The following GMDS variants were observed in gnomAD, a reference collection of about 807,000 sequenced individuals.
The protein encoded by GMDS is GDP-mannose 4,6 dehydratase.
GMDS carries 20 observed loss-of-function variants against 49.9 expected under a neutral mutation model. The observed-to-expected ratio is 0.40, with a 90% CI of 0.28 to 0.58. The LOEUF (loss-of-function observed/expected upper bound fraction) is 0.58. Ranked by LOEUF, GMDS falls within the 20% of genes least tolerant of loss-of-function variation. The probability of loss-of-function intolerance (pLI) is 0.42; values close to 1 mark genes in which losing one functional copy is unlikely to be tolerated. For synonymous variants in GMDS, 177 were observed against 178.6 expected, an observed-to-expected ratio of 0.99 and a Z score of 0.07; for missense variants, 362 against 481.4, an observed-to-expected ratio of 0.75 and a Z score of 2.32.
intron 9 of GMDS, among the ~76,000 whole-genome samples, chr6:1,724,685 T>A (rs1766508295): frequency 6.6e-6 from 1 of 152,230 alleles, no homozygotes; most frequent in South Asian, 2.1e-4. Flanking sequence ...AATTGACATC[T>A]CTGTCGCACC....
At chr6:1,897,085 G>C (rs1760239051) in intron 7 of GMDS, among the ~76,000 whole-genome samples, 1 of 152,188 alleles carries the variant, frequency 6.6e-6, no homozygotes, top group Admixed American at 6.5e-5. Context: ...GGAGGCGAAG[G>C]CTGCTTAGCT....
At chr6:1,893,599 G>T (rs1760000999) in intron 7 of GMDS, among the ~76,000 whole-genome samples, 1 of 152,196 alleles carries the variant, frequency 6.6e-6, no homozygotes, top group Admixed American at 6.5e-5. Context: ...AAATTGGCCA[G>T]TGAAACGTTT....
chr6:2,141,687 C>T (rs1461006921), intron 1 of GMDS, among the ~76,000 whole-genome samples: 1 of 152,204 alleles, frequency 6.6e-6, no homozygotes, highest in Non-Finnish European at 1.5e-5. Flanking sequence ...TGGGAAGCCA[C>T]AGGATGTCAA....
At chr6:2,233,257 G>T (rs1212669530) in intron 1 of GMDS, among the ~76,000 whole-genome samples, 1 of 152,070 alleles carries the variant, frequency 6.6e-6, no homozygotes, top group African/African-American at 2.4e-5. Flanking sequence ...AGCCTGAAAT[G>T]CAAACATTTT....
chr6:1,911,972 T>C (rs1463121638), intron 7 of GMDS, among the ~76,000 whole-genome samples: 1 of 152,156 alleles, frequency 6.6e-6, no homozygotes, highest in African/African-American at 2.4e-5. Context: ...TAAAAAATAA[T>C]AGGTCTGAGG....
Position 2,029,923 on chromosome 6 carries a change from G to A in GMDS, c.346-68957C>T, listed in dbSNP as rs148201169. 2.2e-4 allele frequency among the ~76,000 whole-genome samples: 33 copies of A among 152,246 alleles called. No individual in the cohort carries two copies. The East Asian group carries it at 5.8e-3, about 27-fold the overall frequency. On this transcript the variant is annotated intron_variant, in intron 4 of 10. Transcript: ENST00000380815. ...GGAGCAGCATGTAATACTATCTTCT[G>A]TGCTGGGGGCCTCCTAAGGATTTTA...
chr6:1,840,458 A>C (rs960178427), intron 7 of GMDS, among the ~76,000 whole-genome samples: 5 of 152,222 alleles, frequency 3.3e-5, no homozygotes, highest in African/African-American at 9.7e-5. Flanking sequence ...GGCTTGTGCA[A>C]GTAAAAAGAA....
chr6:1,858,338 T>C (rs748149363), intron 7 of GMDS, among the ~76,000 whole-genome samples: 29 of 152,220 alleles, frequency 1.9e-4, no homozygotes, highest in Non-Finnish European at 3.5e-4. Context: ...AGGGAAGTTA[T>C]AAACGCACCA....
In GMDS at chr6:1,672,264, G is replaced by A. The variant is rs111706055; in HGVS notation, c.988-47724C>T. On this transcript the variant is annotated intron_variant, in intron 9 of 10. Coordinates refer to ENST00000380815, the MANE Select transcript of GMDS (RefSeq NM_001500.4). ...TAAAGGCAGCACAAGTGTCCAAGCC[G>A]TGATGCGTGAATGAGAGTCAGGATA... is the stretch of plus-strand genomic sequence containing the variant. 2.0e-4 allele frequency among the ~76,000 whole-genome samples: 30 copies of A among 152,314 alleles called. 1 individual carries two copies. Among genetic ancestry groups the A allele is most frequent in the African/African-American group, 7.0e-4 (29 of 41,570 alleles).
intron 4 of GMDS, among the ~76,000 whole-genome samples, chr6:2,007,457 A>G (rs986738822): frequency 1.3e-5 from 2 of 152,312 alleles, no homozygotes; most frequent in East Asian, 3.9e-4. Context: ...CTAAGCGTCT[A>G]CACTTCCAGA....
rs116129379 is a variant in GMDS, at chr6:2,239,402, T to A, written c.102+5919A>T. On this transcript the variant is annotated intron_variant, in intron 1 of 10. Transcript: ENST00000380815. ...TTACTGCACTGCTTAAATATAAAGA[T>A]AATTGCATAATTTCTCTATTGTACA... is the stretch of plus-strand genomic sequence containing the variant. Among the ~76,000 whole-genome samples, 906 of 151,832 alleles carry A rather than the reference T, an allele frequency of 6.0e-3. 8 individuals are homozygous for A. Among genetic ancestry groups the A allele is most frequent in the African/African-American group, 0.021 (864 of 41,364 alleles).
chr6:1,964,020 A>G (rs139301204), intron 4 of GMDS, among the ~76,000 whole-genome samples: 99 of 152,342 alleles, frequency 6.5e-4, no homozygotes, highest in African/African-American at 2.3e-3. Context: ...CCACAAAAGC[A>G]GGATTCAGCC....
chr6:2,244,508 A>G (rs1781767804), intron 1 of GMDS, among the ~76,000 whole-genome samples: 1 of 152,080 alleles, frequency 6.6e-6, no homozygotes, highest in African/African-American at 2.4e-5. Flanking sequence ...TGAATCTAAA[A>G]CAGCACAGCT....
At chr6:2,055,149 T>C (rs1364446790) in intron 4 of GMDS, among the ~76,000 whole-genome samples, 1 of 151,832 alleles carries the variant, frequency 6.6e-6, no homozygotes, top group Non-Finnish European at 1.5e-5. Flanking sequence ...CGATAAAAAC[T>C]ACTGAATCTG....
rs532600997 is a variant in GMDS at position 2,050,216 on chromosome 6, A to C, written c.345+65555T>G. Among the ~76,000 whole-genome samples, 14 of 152,320 alleles carry C rather than the reference A, an allele frequency of 9.2e-5. No individual in the cohort carries two copies. The South Asian group carries it at 2.7e-3, about 29-fold the overall frequency. ...GGATATCACCACCGATCTCACAGAA[A>C]TACAAACTACCATCAGAGAATACTA... On this transcript the variant is annotated intron_variant, in intron 4 of 10. Coordinates refer to ENST00000380815, the MANE Select transcript of GMDS (RefSeq NM_001500.4).
chr6:1,703,963 A>T (rs1765629955), intron 9 of GMDS, among the ~76,000 whole-genome samples: 1 of 152,132 alleles, frequency 6.6e-6, no homozygotes, highest in Admixed American at 6.5e-5. Flanking sequence ...TGTCCTTGCA[A>T]ACCAGATTAT....
intron 1 of GMDS, among the ~76,000 whole-genome samples, chr6:2,216,282 T>C (rs1780329661): frequency 6.6e-6 from 1 of 152,236 alleles, no homozygotes; most frequent in African/African-American, 2.4e-5. Context: ...AGTTCAGAAA[T>C]ATGTACATAA....
chr6:2,201,065 T>C (rs553957591), intron 1 of GMDS, among the ~76,000 whole-genome samples: 1 of 131,896 alleles, frequency 7.6e-6, no homozygotes, highest in Non-Finnish European at 1.6e-5. Flanking sequence ...GCATCCGAGA[T>C]GAAACCATCT....
At chr6:2,245,111 A>G (rs2479016) in intron 1 of GMDS, among the ~76,000 whole-genome samples, 89,421 of 152,162 alleles carry the variant, frequency 0.59, 28,988 homozygotes, top group African/African-American at 0.84. Context: ...GCCCCCAGAG[A>G]AAGACCAGAG....
Sources: gnomAD v4.1 joint callset for allele counts (sites outside exome capture counted in the v4.1 genomes callset) on GRCh38, gnomAD v4.1.1 for gene constraint, MANE v1.5 for transcripts, NCBI Gene and HGNC (gene_info 2026-07-23, HGNC 2026-07-21) for gene names.